Variants in MAN1C1 observed in about 807,000 individuals in gnomAD.
MAN1C1 encodes mannosyl-oligosaccharide 1,2-alpha-mannosidase IC.
Under a neutral mutation model 71.5 loss-of-function variants are expected in MAN1C1, and 49 were observed. The ratio of observed to expected loss-of-function variants is 0.69; its 90% CI spans 0.54 to 0.87. MAN1C1 has a LOEUF of 0.87. Ranked by LOEUF, MAN1C1 falls within the 40% of genes least tolerant of loss-of-function variation. MAN1C1 has a pLI of 0.00. For synonymous variants in MAN1C1, 352 were observed against 343.7 expected, an observed-to-expected ratio of 1.02 and a Z score of -0.27; for missense variants, 743 against 835.0, an observed-to-expected ratio of 0.89 and a Z score of 1.36.
At chr1:25,749,114 A>G (rs2047176878) in intron 3 of MAN1C1, 141 bp from the exon 4 acceptor site, 1 of 591,912 alleles carries the variant, frequency 1.7e-6, no homozygotes, top group African/African-American at 1.9e-5. Context: ...GACTTTTGTT[A>G]TGAAAACCAT....
chr1:25,765,439 A>T (rs116476349), intron 7 of MAN1C1, among the ~76,000 whole-genome samples: 55 of 151,820 alleles, frequency 3.6e-4, no homozygotes, highest in African/African-American at 1.3e-3. Flanking sequence ...GCAAACAAGG[A>T]CCCCCTTCCC....
intron 2 of MAN1C1, among the ~76,000 whole-genome samples, chr1:25,710,611 A>G (rs2046600967): frequency 6.6e-6 from 1 of 152,200 alleles, no homozygotes; most frequent in African/African-American, 2.4e-5. Context: ...TTTGATTTTC[A>G]TGGAAACACT....
At chr1:25,751,760 T>G (rs2047219650) in intron 4 of MAN1C1, among the ~76,000 whole-genome samples, 1 of 152,192 alleles carries the variant, frequency 6.6e-6, no homozygotes, top group South Asian at 2.1e-4. Flanking sequence ...AAACTGAGAC[T>G]TAGAAGCAGT....
chr1:25,743,472 G>A (rs1389969161), intron 2 of MAN1C1, among the ~76,000 whole-genome samples: 1 of 152,198 alleles, frequency 6.6e-6, no homozygotes, highest in African/African-American at 2.4e-5. Context: ...CTTCTCTCCT[G>A]CCCAGCCTGA....
At chr1:25,706,448 G>A (rs996142681) in intron 2 of MAN1C1, among the ~76,000 whole-genome samples, 2 of 152,112 alleles carry the variant, frequency 1.3e-5, no homozygotes, top group African/African-American at 2.4e-5. Context: ...CGTGTTGGTC[G>A]GGGCTCAGCC....
rs147006516 is a variant in MAN1C1, at chr1:25,766,685, G to A, written c.1141+2718G>A. 8.9e-4 allele frequency among the ~76,000 whole-genome samples: 136 copies of A among 152,224 alleles called. 1 individual carries two copies. Among genetic ancestry groups the A allele is most frequent in the Non-Finnish European group, 1.7e-3 (115 of 67,994 alleles). ...ATAAATCCACCAGGCTCCCGATGGTGCCCAACACAAATGAGACCACCCTGA... is the reference window on the plus strand; with the variant it reads ...ATAAATCCACCAGGCTCCCGATGGTACCCAACACAAATGAGACCACCCTGA... On this transcript the variant is annotated intron_variant, in intron 7 of 11. Transcript: ENST00000374332.
rs2047714708 is a variant in MAN1C1 at position 25,782,784 on chromosome 1, T to G, written c.1766+84T>G. 3 of 1,044,680 alleles carry G rather than the reference T, an allele frequency of 2.9e-6. No individual in the cohort carries two copies. In the East Asian group the frequency reaches 7.2e-5, roughly 25 times the overall value. The allele number at this position is 1,044,680 out of a possible 1,614,324, so 64.7% of individuals were successfully genotyped here. ...GCAGTCCCTCCCCTCCACAGTCAGG[T>G]TCTGTGGTCACAGGACGGGAGCCCA... On this transcript the variant is annotated intron_variant, in intron 11 of 11. Coordinates refer to ENST00000374332, the MANE Select transcript of MAN1C1 (RefSeq NM_020379.4). This position sits in a 1 kb window ranked among gnomAD's most constrained non-coding sequence, Gnocchi z 4.4.
intron 2 of MAN1C1, among the ~76,000 whole-genome samples, chr1:25,691,971 C>T (rs537478728): frequency 3.4e-4 from 52 of 152,188 alleles, no homozygotes; most frequent in Non-Finnish European, 6.5e-4. Flanking sequence ...CCCTTGGCAG[C>T]AGGGGAAATT....
intron 6 of MAN1C1, chr1:25,761,340 T>C (rs2047356292): frequency 6.6e-6 from 1 of 152,298 alleles, no homozygotes; most frequent in Middle Eastern, 3.4e-3. Context: ...TATTACTAGA[T>C]TGGGCCATAT....
At chr1:25,715,848 A>G (rs2046672730) in intron 2 of MAN1C1, among the ~76,000 whole-genome samples, 1 of 152,176 alleles carries the variant, frequency 6.6e-6, no homozygotes, top group Non-Finnish European at 1.5e-5. Flanking sequence ...CCAAAATAGC[A>G]AGCCTTAACC....
intron 1 of MAN1C1, among the ~76,000 whole-genome samples, chr1:25,685,386 C>T (rs534437164): frequency 2.0e-5 from 3 of 152,358 alleles, no homozygotes; most frequent in South Asian, 2.1e-4. Flanking sequence ...CCGCGGGCCC[C>T]GGCTCCTCCT....
At chr1:25,703,645 C>T (rs970274265) in intron 2 of MAN1C1, among the ~76,000 whole-genome samples, 1 of 152,098 alleles carries the variant, frequency 6.6e-6, no homozygotes, top group Non-Finnish European at 1.5e-5. Context: ...CGTGCCATTG[C>T]ACTCCAGCCT....
chr1:25,698,304 T>C (rs1306706883), intron 2 of MAN1C1, among the ~76,000 whole-genome samples: 2 of 152,166 alleles, frequency 1.3e-5, no homozygotes, highest in Non-Finnish European at 2.9e-5. Context: ...CTTGGGTTCT[T>C]CAAACCCTGG....
At chr1:25,690,343 A>G (rs2046291611) in intron 2 of MAN1C1, among the ~76,000 whole-genome samples, 1 of 126,294 alleles carries the variant, frequency 7.9e-6, no homozygotes, top group Admixed American at 1.0e-4. Context: ...CCCAGGCTGG[A>G]GTGCAGTAGT....
intron 1 of MAN1C1, among the ~76,000 whole-genome samples, chr1:25,678,989 A>AAG (rs936803041): frequency 1.3e-5 from 2 of 152,014 alleles, no homozygotes; most frequent in Non-Finnish European, 2.9e-5. Flanking sequence ...CAGAGACAAG[A>AAG]AGAGAGAGAG....
At chr1:25,646,599 C>T (rs2045618124) in intron 1 of MAN1C1, among the ~76,000 whole-genome samples, 1 of 152,202 alleles carries the variant, frequency 6.6e-6, no homozygotes, top group Non-Finnish European at 1.5e-5. Context: ...GCAGTCACTC[C>T]AGACCCACTA....
intron 1 of MAN1C1, among the ~76,000 whole-genome samples, chr1:25,632,610 C>T (rs1022581740): frequency 7.2e-5 from 11 of 152,112 alleles, no homozygotes. Context: ...TGTGATCCTT[C>T]AGACTTTTTG....
intron 2 of MAN1C1, among the ~76,000 whole-genome samples, chr1:25,706,313 A>C (rs1240782161): frequency 1.3e-5 from 2 of 152,214 alleles, no homozygotes; most frequent in African/African-American, 4.8e-5. Context: ...GCATTGTCCC[A>C]CATGACCCAG....
chr1:25,658,609 C>G (rs1319959564), intron 1 of MAN1C1, among the ~76,000 whole-genome samples: 1 of 152,154 alleles, frequency 6.6e-6, no homozygotes, highest in South Asian at 2.1e-4. Flanking sequence ...TGCCACCATA[C>G]CTGACTAATT....
Sources: allele counts gnomAD v4.1 joint callset (sites outside exome capture counted in the v4.1 genomes callset), GRCh38; gene constraint gnomAD v4.1.1; non-coding constraint Gnocchi (gnomAD v3.1); transcripts MANE v1.5; gene names NCBI Gene and HGNC (gene_info 2026-07-23, HGNC 2026-07-21).